Variants in RNF168 observed in about 807,000 individuals in gnomAD.
RNF168 encodes E3 ubiquitin-protein ligase RNF168.
A neutral mutation model predicts 34.9 loss-of-function variants in RNF168; 34 were observed. The observed-to-expected ratio is 0.97, with a 90% CI of 0.74 to 1.30. RNF168 has a LOEUF of 1.30. Ranked by LOEUF, RNF168 falls within the 50% of genes most tolerant of loss-of-function variation. The pLI is 0.00. For synonymous variants in RNF168, 264 were observed against 254.7 expected (o/e 1.04, Z -0.35); for missense variants, 725 against 682.5 (o/e 1.06, Z -0.69).
intron 1 of RNF168, among the ~76,000 whole-genome samples, chr3:196,502,054 GAAAAAAA>G (rs554041803): frequency 3.8e-4 from 19 of 50,052 alleles, no homozygotes; most frequent in Admixed American, 7.9e-4. Context: ...AAAAAAATTA[GAAAAAAA>G]AAAAAAAAAA....
At chr3:196,487,207 G>A (rs1213762645) in intron 3 of RNF168, among the ~76,000 whole-genome samples, 192 bp downstream of exon 3, 2 of 152,140 alleles carry the variant, frequency 1.3e-5, no homozygotes, top group African/African-American at 2.4e-5. Flanking sequence ...CAAAGCAATC[G>A]GAATGTTAAT....
Position 196,472,666 on chromosome 3 carries a change from G to A in RNF168, c.869C>T (p.Ala290Val). ...CATAGGGGACTCTATTGAAGAATCT[G>A]CACCTTGTTCTCCAACTCCAAGGGA... The part of the protein sequence containing the change: ...QISLGVGEQG[A>V]DSSIESPMPW... Residue 290 changes from alanine to valine, a missense_variant, in exon 6 of 6, where the codon GCA (alanine) becomes GTA (valine). Physicochemically the swap from Ala to Val is moderately conservative, Grantham distance 64 (BLOSUM62 0). Transcript: ENST00000318037. The A allele has an allele frequency of 6.2e-7, 1 of 1,606,054 alleles. No homozygotes were observed. The highest frequency in any genetic ancestry group is 8.5e-7 in the Non-Finnish European group (1 of 1,173,238).
At position 196,503,502 on chromosome 3, in the gene RNF168, G is replaced by C; in HGVS notation, c.-329C>G. On this transcript the variant is annotated 5_prime_UTR_variant, in exon 1 of 6. Transcript: ENST00000318037. ...GCTGCGGCTCCCGGGGCAGCGAGGG[G>C]AACGCGCCAAGTCCTCTCCTCCCCT... is the stretch of plus-strand genomic sequence containing the variant. 1 of 390,548 alleles carries C rather than the reference G, an allele frequency of 2.6e-6. No homozygotes were observed. The highest frequency in any genetic ancestry group is 2.2e-5 in the South Asian group (1 of 46,134). 24.2% of individuals were successfully genotyped at this position (390,548 alleles called of 1,614,324 possible). A position where few individuals can be genotyped will look rare whatever the true frequency, so the allele number is the denominator to read the frequency against.
chr3:196,491,292 G>A (rs938330253), intron 1 of RNF168, among the ~76,000 whole-genome samples: 12 of 151,910 alleles, frequency 7.9e-5, no homozygotes, highest in South Asian at 2.1e-4. Context: ...CAGCCTGGAC[G>A]ACAGAGGGAG....
chr3:196,472,581 T>A lies in RNF168; in HGVS notation c.954A>T (p.Pro318=). 1 of 1,614,264 alleles carries A rather than the reference T, an allele frequency of 6.2e-7. No homozygotes were observed. Among genetic ancestry groups the A allele is most frequent in the Non-Finnish European group, 8.5e-7 (1 of 1,180,052 alleles). Residue 318 remains proline, a synonymous_variant, in exon 6 of 6, where the codon CCA becomes CCT. Transcript: ENST00000318037. ...WYHEGNVKTR[P]SNHGKELCVL... ...CACATAACTCTTTCCCATGATTGCT[T>A]GGTCTTGTTTTGACGTTTCCTTCAT... is the stretch of plus-strand genomic sequence containing the variant.
At chr3:196,502,148 T>G (rs1732908938) in intron 1 of RNF168, among the ~76,000 whole-genome samples, 1 of 150,112 alleles carries the variant, frequency 6.7e-6, no homozygotes, top group African/African-American at 2.5e-5. Flanking sequence ...CCCGGCTTAT[T>G]GCTCACATTA....
intron 4 of RNF168, among the ~76,000 whole-genome samples, chr3:196,480,442 C>T (rs1481909989): frequency 2.6e-5 from 4 of 152,190 alleles, no homozygotes; most frequent in African/African-American, 9.7e-5. Context: ...TTTTGCATCT[C>T]TAAACACTTT....
intron 3 of RNF168, among the ~76,000 whole-genome samples, chr3:196,485,239 GGTTCATGCCTGTAATCCCA>G (rs1441018990): frequency 1.3e-5 from 2 of 152,160 alleles, no homozygotes; most frequent in African/African-American, 4.8e-5. Flanking sequence ...TGGGCATGGT[GGTTCATGCCTGTAATCCCA>G]GCACTTTGGG....
intron 1 of RNF168, among the ~76,000 whole-genome samples, chr3:196,495,571 T>G (rs1489466740): frequency 6.6e-6 from 1 of 152,238 alleles, no homozygotes; most frequent in Non-Finnish European, 1.5e-5. Context: ...CACAGTTAGA[T>G]TCAGGTTATG....
Position 196,499,305 on chromosome 3 carries a change from C to G in RNF168, c.301+3568G>C, listed in dbSNP as rs115942865. Among the ~76,000 whole-genome samples the G allele has an allele frequency of 3.5e-3, 529 of 152,168 alleles. 1 individual carries two copies. Among genetic ancestry groups the G allele is most frequent in the African/African-American group, 0.012 (498 of 41,520 alleles). On this transcript the variant is annotated intron_variant, in intron 1 of 5. Coordinates refer to ENST00000318037, the MANE Select transcript of RNF168 (RefSeq NM_152617.4). ...GGAACACCATGGATTCCAGCCACACCAGAAGCTAAGGAGAAGGGCACGGAA... is the reference window on the plus strand; with the variant it reads ...GGAACACCATGGATTCCAGCCACACGAGAAGCTAAGGAGAAGGGCACGGAA...
intron 1 of RNF168, among the ~76,000 whole-genome samples, chr3:196,500,789 G>A (rs141360517): frequency 0.01 from 1,568 of 151,884 alleles, 30 homozygotes; most frequent in African/African-American, 0.036. Context: ...TCGGCTCACT[G>A]CAAGCTCCGC....
intron 1 of RNF168, among the ~76,000 whole-genome samples, chr3:196,491,951 A>G (rs1228400614): frequency 1.3e-5 from 2 of 152,286 alleles, no homozygotes; most frequent in South Asian, 2.1e-4. Flanking sequence ...GTAGAGGCAG[A>G]AAGAATGGAG....
chr3:196,488,683 G>A lies in RNF168; in HGVS notation c.302C>T (p.Ala101Val), dbSNP rs144091604. 9 of 1,587,166 alleles carry A rather than the reference G, an allele frequency of 5.7e-6. No individual in the cohort carries two copies. The East Asian group carries it at 2.0e-4, about 36-fold the overall frequency. Residue 101 changes from alanine to valine, a missense_variant and splice_region_variant, in exon 2 of 6, where the codon GCT becomes GTT. Physicochemically the swap from Ala to Val is moderately conservative, Grantham distance 64 (BLOSUM62 0). Transcript: ENST00000318037. ...RASGQESEEV[A>V]DDYQPVRLLS... Reference sequence around the variant, plus strand: ...CAGACGAACTGGCTGATAGTCATCAGCTATTTCATATCAAAAAAGAAAATA... The same window carrying A: ...CAGACGAACTGGCTGATAGTCATCAACTATTTCATATCAAAAAAGAAAATA...
At position 196,498,723 on chromosome 3, in the gene RNF168, G is replaced by A. The variant is rs145068837; in HGVS notation, c.301+4150C>T. 5.0e-3 allele frequency among the ~76,000 whole-genome samples: 764 copies of A among 152,254 alleles called. 3 individuals are homozygous for A. The highest frequency in any genetic ancestry group is 0.017 in the African/African-American group (717 of 41,540). On this transcript the variant is annotated intron_variant, in intron 1 of 5. Transcript: ENST00000318037. ...AAGAATAAATCTTGAGGCCAGGCGC[G>A]GTGGCTCATGCCTGTAATCCCAGCA...
rs756227814 is a variant in RNF168, at chr3:196,471,824, T to C, written c.1711A>G (p.Lys571Glu). Reference protein sequence around the residue: ...SVFQMFQRCTK With the variant: ...SVFQMFQRCTE ...AGCACTCCCTTTACCAGGCCTTACT[T>C]TGTGCATCTCTGAAACATCTGAAAA... The change falls in exon 6 of 6, where the codon AAG becomes GAG. Residue 571 changes from lysine (K) to glutamate (E), a missense_variant. Lys to Glu is a moderately conservative substitution (Grantham distance 56, BLOSUM62 1). Coordinates refer to ENST00000318037, the MANE Select transcript of RNF168 (RefSeq NM_152617.4). 7 of 1,606,576 alleles carry C rather than the reference T, an allele frequency of 4.4e-6. No homozygotes were observed. The highest frequency in any genetic ancestry group is 6.0e-6 in the Non-Finnish European group (7 of 1,173,088).
intron 1 of RNF168, among the ~76,000 whole-genome samples, chr3:196,498,112 G>A (rs1016380565): frequency 9.9e-5 from 15 of 152,202 alleles, no homozygotes; most frequent in Non-Finnish European, 1.5e-5. Context: ...TATGCTGTTG[G>A]TGGGATTACA....
chr3:196,471,870 A>C lies in RNF168; in HGVS notation c.1665T>G (p.Pro555=), dbSNP rs747011488. Reference sequence around the variant, plus strand: ...GAAAAACACTTTTCTGTGAAATGCTAGGCTGTAGGGAGTGAGCACTTTTGG... The same window carrying C: ...GAAAAACACTTTTCTGTGAAATGCTCGGCTGTAGGGAGTGAGCACTTTTGG... ...KVSKSAHSLQ[P]SISQKSVFQM... is the part of the protein sequence containing the mutation. The change falls in exon 6 of 6, where the codon CCT becomes CCG. Residue 555 remains proline, a synonymous_variant. Coordinates refer to ENST00000318037, the MANE Select transcript of RNF168 (RefSeq NM_152617.4). 6.2e-7 allele frequency: 1 copy of C among 1,613,986 alleles called. No homozygotes were observed. The highest frequency in any genetic ancestry group is 1.7e-5 in the Admixed American group (1 of 59,978).
At chr3:196,475,728 T>G (rs1732131325) in intron 4 of RNF168, among the ~76,000 whole-genome samples, 1 of 151,496 alleles carries the variant, frequency 6.6e-6, no homozygotes, top group African/African-American at 2.4e-5. Context: ...TATTTTGTAT[T>G]TTTAGTAGAG....
chr3:196,497,379 A>C (rs920552858), intron 1 of RNF168, among the ~76,000 whole-genome samples: 1 of 152,134 alleles, frequency 6.6e-6, no homozygotes, highest in African/African-American at 2.4e-5. Flanking sequence ...CTAAACATAA[A>C]AGTTAAAACT....
Sources: allele counts gnomAD v4.1 joint callset (sites outside exome capture counted in the v4.1 genomes callset), GRCh38; gene constraint gnomAD v4.1.1; transcripts MANE v1.5; gene names NCBI Gene and HGNC (gene_info 2026-07-23, HGNC 2026-07-21).